The following CEP112 variants were observed in gnomAD, a reference collection of about 807,000 sequenced individuals.
CEP112 encodes centrosomal protein of 112 kDa.
A neutral mutation model predicts 153.0 loss-of-function variants in CEP112; 127 were observed. The observed-to-expected ratio is 0.83, with a 90% CI of 0.72 to 0.96. The LOEUF is 0.96. Among genes scored for constraint, CEP112 ranks in the 40% least tolerant of loss-of-function variants. The probability of loss-of-function intolerance (pLI) is 0.00; values close to 1 mark genes in which losing one functional copy is unlikely to be tolerated. For synonymous variants in CEP112, 358 were observed against 374.4 expected (o/e 0.96, Z 0.51); for missense variants, 1,089 against 1,101.2 (o/e 0.99, Z 0.16).
intron 24 of CEP112, among the ~76,000 whole-genome samples, chr17:65,683,323 T>G (rs1412408807): frequency 6.6e-6 from 1 of 152,244 alleles, no homozygotes; most frequent in Non-Finnish European, 1.5e-5. Flanking sequence ...TTAGCTATTT[T>G]AAAATAATTT....
At chr17:65,918,650 T>C (rs1365046083) in intron 19 of CEP112, among the ~76,000 whole-genome samples, 2 of 152,154 alleles carry the variant, frequency 1.3e-5, no homozygotes, top group Non-Finnish European at 2.9e-5. Context: ...GCATGCCTGG[T>C]TGGTTGTTTG....
At chr17:65,953,850 A>C (rs965136846) in intron 18 of CEP112, among the ~76,000 whole-genome samples, 2 of 152,014 alleles carry the variant, frequency 1.3e-5, no homozygotes, top group African/African-American at 4.8e-5. Flanking sequence ...TGCTGCCCCC[A>C]CCTAGTGGTC....
chr17:66,191,133 T>G lies in CEP112; in HGVS notation c.-9+864A>C, dbSNP rs1344924268. Among the ~76,000 whole-genome samples, 2 of 152,076 alleles carry G rather than the reference T, an allele frequency of 1.3e-5. No individual in the cohort carries two copies. Among genetic ancestry groups the G allele is most frequent in the African/African-American group, 4.8e-5 (2 of 41,416 alleles). Reference sequence around the variant, plus strand: ...CCCGGCCCTACCATTTCCGCACCATTTCCATGGTCATTTCACAGAGGAAGA... The same window carrying G: ...CCCGGCCCTACCATTTCCGCACCATGTCCATGGTCATTTCACAGAGGAAGA... On this transcript the variant is annotated intron_variant, in intron 1 of 26. Transcript: ENST00000535342. This position sits in a 1 kb window ranked among gnomAD's most constrained non-coding sequence, Gnocchi z 4.2.
intron 16 of CEP112, among the ~76,000 whole-genome samples, chr17:66,015,623 T>C (rs1029097234): frequency 2.6e-5 from 4 of 152,212 alleles, no homozygotes; most frequent in Non-Finnish European, 2.9e-5. Context: ...TTTATGACAT[T>C]TAGGTTTGCA....
At chr17:65,970,901 ATTGCATGTATG>A (rs1320114998) in intron 17 of CEP112, among the ~76,000 whole-genome samples, 1 of 152,238 alleles carries the variant, frequency 6.6e-6, no homozygotes, top group Admixed American at 6.5e-5. Context: ...ATCTGTGTGC[ATTGCATGTATG>A]TTGCATGTAT....
At chr17:66,154,040 G>T (rs1338121718) in intron 4 of CEP112, among the ~76,000 whole-genome samples, 3 of 151,694 alleles carry the variant, frequency 2.0e-5, no homozygotes, top group African/African-American at 7.3e-5. Flanking sequence ...TCAGCCAGGT[G>T]TGGTGGCACA....
chr17:65,826,479 G>A, intron 21 of CEP112: 1 of 1,464,180 alleles, frequency 6.8e-7, no homozygotes. Context: ...TCTCTTAGGT[G>A]GGGGTGAGGT....
intron 15 of CEP112, 131 bp downstream of exon 15, chr17:66,028,182 T>C: frequency 1.7e-6 from 1 of 582,104 alleles, no homozygotes. Flanking sequence ...AATTATACAA[T>C]GCGATAAAAG....
intron 23 of CEP112, among the ~76,000 whole-genome samples, chr17:65,711,994 C>T (rs114367526): frequency 0.01 from 1,536 of 152,290 alleles, 26 homozygotes; most frequent in African/African-American, 0.035. Context: ...ACCACTATCA[C>T]TTTCCCCACA....
chr17:65,807,619 C>A lies in CEP112; in HGVS notation c.2394+44185G>T, dbSNP rs143633588. Among the ~76,000 whole-genome samples the A allele has an allele frequency of 3.3e-3, 504 of 152,330 alleles. 2 individuals are homozygous for A. The highest frequency in any genetic ancestry group is 0.012 in the African/African-American group (493 of 41,566). ...GACATGGCACCCTGTATCCCAGCCTCTCTGGCTCCAGTTGTAGCTAAAAGG... is the reference window on the plus strand; with the variant it reads ...GACATGGCACCCTGTATCCCAGCCTATCTGGCTCCAGTTGTAGCTAAAAGG... On this transcript the variant is annotated intron_variant, in intron 21 of 26. Coordinates refer to ENST00000535342, the MANE Select transcript of CEP112 (RefSeq NM_001199165.4).
intron 17 of CEP112, among the ~76,000 whole-genome samples, chr17:65,984,594 A>G (rs73338673): frequency 0.065 from 9,835 of 152,282 alleles, 454 homozygotes; most frequent in South Asian, 0.12. Context: ...ACAGGAGAAT[A>G]TTATGAAAGA....
intron 21 of CEP112, among the ~76,000 whole-genome samples, chr17:65,794,547 C>T (rs968074135): frequency 6.6e-6 from 1 of 152,210 alleles, no homozygotes; most frequent in South Asian, 2.1e-4. Context: ...GAAACTCCCC[C>T]TGGCGAAACT....
intron 20 of CEP112, among the ~76,000 whole-genome samples, chr17:65,862,959 A>G (rs1213770325): frequency 1.3e-5 from 2 of 152,118 alleles, no homozygotes; most frequent in African/African-American, 4.8e-5. Context: ...ACTTTTGTTT[A>G]GTATTTAATA....
At chr17:66,043,015 C>T (rs1291325514) in intron 12 of CEP112, 5 of 783,616 alleles carry the variant, frequency 6.4e-6, no homozygotes, top group Non-Finnish European at 7.7e-6. Flanking sequence ...TATGAATTAT[C>T]ATATGTCACT....
intron 21 of CEP112, among the ~76,000 whole-genome samples, chr17:65,847,903 C>A (rs941946004): frequency 1.3e-5 from 2 of 152,144 alleles, no homozygotes; most frequent in Non-Finnish European, 2.9e-5. Flanking sequence ...AGGGTGACAG[C>A]AGCTGCAAAG....
At chr17:65,936,214 C>G (rs137869660) in intron 18 of CEP112, among the ~76,000 whole-genome samples, 8 of 152,240 alleles carry the variant, frequency 5.3e-5, no homozygotes, top group Non-Finnish European at 1.2e-4. Context: ...TCTGAACAGA[C>G]CAGCAATGAC....
chr17:65,951,404 CTTA>C (rs1360082698), intron 18 of CEP112, among the ~76,000 whole-genome samples: 1 of 152,044 alleles, frequency 6.6e-6, no homozygotes, highest in Non-Finnish European at 1.5e-5. Context: ...AATTAAATTT[CTTA>C]TTATATTTCA....
intron 18 of CEP112, chr17:65,941,678 T>C (rs1311277574): frequency 6.6e-6 from 1 of 152,218 alleles, no homozygotes. Flanking sequence ...GAACCTAAGA[T>C]TAAAACCTAG....
intron 12 of CEP112, among the ~76,000 whole-genome samples, chr17:66,036,049 C>T (rs538065530): frequency 5.3e-5 from 8 of 152,160 alleles, no homozygotes; most frequent in Admixed American, 5.2e-4. Context: ...AAAGGGAAAG[C>T]CTGTTTTATG....
Sources: allele counts gnomAD v4.1 joint callset (sites outside exome capture counted in the v4.1 genomes callset), GRCh38; gene constraint gnomAD v4.1.1; non-coding constraint Gnocchi (gnomAD v3.1); transcripts MANE v1.5; gene names NCBI Gene and HGNC (gene_info 2026-07-23, HGNC 2026-07-21).